Variants in PRKRIP1 observed in about 807,000 individuals in gnomAD.
PRKRIP1 encodes the protein PRKR-interacting protein 1.
A neutral mutation model predicts 29.3 loss-of-function variants in PRKRIP1; 29 were observed. That is an observed-to-expected ratio of 0.99 (90% CI 0.74 to 1.35). PRKRIP1 has a LOEUF of 1.35. Ranked by LOEUF, PRKRIP1 falls within the 40% of genes most tolerant of loss-of-function variation. PRKRIP1 has a pLI of 0.00. For synonymous variants in PRKRIP1, 90 were observed against 85.1 expected (o/e 1.06, Z -0.32); for missense variants, 247 against 236.8 (o/e 1.04, Z -0.28).
chr7:102,398,213 C>T (rs1327050434), intron 2 of PRKRIP1, among the ~76,000 whole-genome samples: 2 of 152,100 alleles, frequency 1.3e-5, no homozygotes, highest in African/African-American at 2.4e-5. Flanking sequence ...AGCTTAAGGG[C>T]TATAGTTGCT....
chr7:102,399,810 G>T (rs1554570976), intron 3 of PRKRIP1, among the ~76,000 whole-genome samples, 162 bp downstream of exon 3: 1 of 152,138 alleles, frequency 6.6e-6, no homozygotes, highest in Admixed American at 6.5e-5. Context: ...GGGAGTTTGA[G>T]ACCAGCCTGA....
intron 3 of PRKRIP1, among the ~76,000 whole-genome samples, chr7:102,401,298 C>A (rs145407780): frequency 1.2e-4 from 19 of 152,334 alleles, no homozygotes; most frequent in African/African-American, 4.3e-4. Flanking sequence ...GTGGATATAT[C>A]TGCTGTATAA....
At chr7:102,420,651 AC>A (rs1796669468) in intron 5 of PRKRIP1, among the ~76,000 whole-genome samples, 1 of 152,172 alleles carries the variant, frequency 6.6e-6, no homozygotes, top group African/African-American at 2.4e-5. Flanking sequence ...TTGGACCCTG[AC>A]AGTGGGTCTT....
intron 5 of PRKRIP1, among the ~76,000 whole-genome samples, chr7:102,414,825 G>A (rs1035300016): frequency 6.6e-6 from 1 of 151,982 alleles, no homozygotes; most frequent in Non-Finnish European, 1.5e-5. Flanking sequence ...AGTGGAGGCT[G>A]CAGTGAGCTG....
At chr7:102,405,984 G>T in intron 4 of PRKRIP1, 1 of 252,988 alleles carries the variant, frequency 4.0e-6, no homozygotes, top group South Asian at 4.6e-5. Context: ...CAAAGTGCTT[G>T]AAGAAGTGGT....
intron 5 of PRKRIP1, among the ~76,000 whole-genome samples, chr7:102,412,625 A>G (rs1375317220): frequency 6.6e-6 from 1 of 152,228 alleles, no homozygotes; most frequent in Non-Finnish European, 1.5e-5. Context: ...TGTGAGAGTA[A>G]GCAAGCTTTT....
In PRKRIP1 at chr7:102,425,245, G is replaced by C. The variant is rs1554574313; in HGVS notation, c.*134G>C. The C allele has an allele frequency of 6.6e-7, 1 of 1,510,554 alleles. No homozygotes were observed. Among genetic ancestry groups the C allele is most frequent in the Non-Finnish European group, 8.8e-7 (1 of 1,133,432 alleles). The allele number at this position is 1,510,554 out of a possible 1,614,324, so 93.6% of individuals were successfully genotyped here. On this transcript the variant is annotated 3_prime_UTR_variant, in exon 6 of 6. Coordinates refer to ENST00000397912, the MANE Select transcript of PRKRIP1 (RefSeq NM_024653.4). The stretch of plus-strand genomic sequence containing the variant: ...GGAGAGCAAAGGAGACCCCTCCCGA[G>C]CCGCTCACAGTCCTGTATTTGGCAG...
intron 5 of PRKRIP1, among the ~76,000 whole-genome samples, chr7:102,409,991 C>G (rs1796337057): frequency 6.6e-6 from 1 of 152,144 alleles, no homozygotes; most frequent in Non-Finnish European, 1.5e-5. Flanking sequence ...TGTTTGGACT[C>G]TGAAGTCTCT....
At chr7:102,409,776 A>G (rs1456674500) in intron 5 of PRKRIP1, among the ~76,000 whole-genome samples, 2 of 152,054 alleles carry the variant, frequency 1.3e-5, no homozygotes, top group Non-Finnish European at 2.9e-5. Flanking sequence ...GTGAGCCATG[A>G]TTGTGCCACT....
chr7:102,416,683 G>GTTGT (rs1796557579), intron 5 of PRKRIP1, among the ~76,000 whole-genome samples: 1 of 143,162 alleles, frequency 7.0e-6, no homozygotes, highest in African/African-American at 2.6e-5. Context: ...TTTGTGGGGT[G>GTTGT]TTTTTTTTTT....
intron 3 of PRKRIP1, among the ~76,000 whole-genome samples, chr7:102,402,353 G>T (rs1422864786): frequency 6.6e-6 from 1 of 151,814 alleles, no homozygotes; most frequent in East Asian, 1.9e-4. Context: ...CAGGAGGATC[G>T]CTTGAGCCTG....
In PRKRIP1 at chr7:102,397,514, C is replaced by T. The variant is rs1554570555; in HGVS notation, c.127-106C>T. The T allele has an allele frequency of 2.2e-5, 20 of 899,840 alleles. No homozygotes were observed. In the South Asian group the frequency reaches 2.8e-4, roughly 13 times the overall value. The allele number at this position is 899,840 out of a possible 1,614,324, so 55.7% of individuals were successfully genotyped here. On this transcript the variant is annotated intron_variant, in intron 1 of 5. Transcript: ENST00000397912. ...TGAGCTCTGATTGCACCACTGCACTCCAGCCTGAGGAACAGAGCAAGAACC... is the reference window on the plus strand; with the variant it reads ...TGAGCTCTGATTGCACCACTGCACTTCAGCCTGAGGAACAGAGCAAGAACC...
At chr7:102,421,520 C>T (rs1433992928) in intron 5 of PRKRIP1, among the ~76,000 whole-genome samples, 5 of 149,664 alleles carry the variant, frequency 3.3e-5, no homozygotes, top group African/African-American at 9.9e-5. Context: ...AAAAAAAGGC[C>T]GGGTGTGGTG....
chr7:102,418,389 A>T (rs1796609269), intron 5 of PRKRIP1, among the ~76,000 whole-genome samples: 1 of 152,092 alleles, frequency 6.6e-6, no homozygotes, highest in Non-Finnish European at 1.5e-5. Flanking sequence ...AATGGTATTA[A>T]AACCCAAGGT....
intron 3 of PRKRIP1, among the ~76,000 whole-genome samples, chr7:102,402,849 T>G (rs900273962): frequency 1.3e-5 from 2 of 151,860 alleles, no homozygotes; most frequent in Non-Finnish European, 2.9e-5. Flanking sequence ...AAATTTGGCT[T>G]CTTCAGCAGC....
chr7:102,425,480 G>T lies in PRKRIP1; in HGVS notation c.*369G>T. The T allele has an allele frequency of 3.2e-6, 1 of 310,260 alleles. No individual in the cohort carries two copies. The highest frequency in any genetic ancestry group is 2.6e-5 in the South Asian group (1 of 38,254). 19.2% of individuals were successfully genotyped at this position (310,260 alleles called of 1,614,324 possible). On this transcript the variant is annotated 3_prime_UTR_variant, in exon 6 of 6. Transcript: ENST00000397912. ...TGTTGGGACATGTGGACCGTGAGTCGCAAACACTCTGGAGAAGGCTGAGAT... is the reference window on the plus strand; with the variant it reads ...TGTTGGGACATGTGGACCGTGAGTCTCAAACACTCTGGAGAAGGCTGAGAT...
intron 3 of PRKRIP1, among the ~76,000 whole-genome samples, chr7:102,402,254 G>A (rs1235238732): frequency 3.3e-5 from 5 of 152,102 alleles, no homozygotes; most frequent in Non-Finnish European, 4.4e-5. Flanking sequence ...CCCAGGCAAC[G>A]TGGCAAGACC....
chr7:102,402,646 C>G (rs1375650104), intron 3 of PRKRIP1, among the ~76,000 whole-genome samples: 3 of 152,084 alleles, frequency 2.0e-5, no homozygotes, highest in African/African-American at 7.2e-5. Flanking sequence ...ACCTTGGCCT[C>G]TATGCAAATG....
chr7:102,414,741 C>T (rs782618063), intron 5 of PRKRIP1, among the ~76,000 whole-genome samples: 5 of 152,008 alleles, frequency 3.3e-5, no homozygotes, highest in Admixed American at 6.6e-5. Flanking sequence ...AAAAATTAGC[C>T]ATGTGTGGTG....
Sources: gnomAD v4.1 joint callset for allele counts (sites outside exome capture counted in the v4.1 genomes callset) on GRCh38, gnomAD v4.1.1 for gene constraint, MANE v1.5 for transcripts, NCBI Gene and HGNC (gene_info 2026-07-23, HGNC 2026-07-21) for gene names.